SLC25A21: variants seen among roughly 807,000 people sequenced by gnomAD.
SLC25A21 encodes mitochondrial 2-oxodicarboxylate carrier.
SLC25A21 carries 47 observed loss-of-function variants against 43.8 expected under a neutral mutation model. The ratio of observed to expected loss-of-function variants is 1.07; its 90% CI spans 0.85 to 1.37. The LOEUF (loss-of-function observed/expected upper bound fraction) is 1.37, where lower values mean the gene tolerates loss of function less well. Among genes scored for constraint, SLC25A21 ranks in the 40% most tolerant of loss-of-function variants. The pLI, the probability that SLC25A21 is intolerant of heterozygous loss-of-function variation, is 0.00. For synonymous variants in SLC25A21, 131 were observed against 121.3 expected (o/e 1.08, Z -0.52); for missense variants, 352 against 350.2 (o/e 1.00, Z -0.04).
chr14:37,042,678 C>T (rs1160579608), intron 1 of SLC25A21, among the ~76,000 whole-genome samples: 1 of 152,174 alleles, frequency 6.6e-6, no homozygotes, highest in African/African-American at 2.4e-5. Flanking sequence ...CAGTGAACTT[C>T]TAAAAATCAA....
chr14:36,700,195 A>C (rs1000366851), intron 7 of SLC25A21, among the ~76,000 whole-genome samples: 10 of 152,172 alleles, frequency 6.6e-5, no homozygotes, highest in African/African-American at 2.4e-4. Flanking sequence ...AGACCATGCC[A>C]ACTTCTTGAT....
chr14:36,936,350 C>G (rs575816940), intron 1 of SLC25A21, among the ~76,000 whole-genome samples: 3 of 152,264 alleles, frequency 2.0e-5, no homozygotes, highest in African/African-American at 7.2e-5. Flanking sequence ...CCCACCACCC[C>G]TCTCCATCTC....
At chr14:36,912,551 G>T (rs1891717872) in intron 1 of SLC25A21, among the ~76,000 whole-genome samples, 1 of 152,182 alleles carries the variant, frequency 6.6e-6, no homozygotes. Flanking sequence ...TCATTGGAAA[G>T]GTATCCAAAA....
At chr14:37,169,305 G>A (rs1237683288) in intron 1 of SLC25A21, among the ~76,000 whole-genome samples, 5 of 151,990 alleles carry the variant, frequency 3.3e-5, no homozygotes, top group Admixed American at 2.0e-4. Flanking sequence ...AAGCCATCCC[G>A]AAAGGTGTAG....
rs1284590558 is a variant in SLC25A21, at chr14:37,172,581, G to A, written c.-231C>T. ...CAGCGCTCTCGCAGAGGCGCCCTCG[G>A]CTCCGAAAATGTCTCTGGAAAGAAG... On this transcript the variant is annotated 5_prime_UTR_variant, in exon 1 of 10. Coordinates refer to ENST00000331299, the MANE Select transcript of SLC25A21 (RefSeq NM_030631.4). 1.4e-6 allele frequency: 1 copy of A among 697,540 alleles called. No homozygotes were observed. The highest frequency in any genetic ancestry group is 1.5e-5 in the South Asian group (1 of 66,728). The allele number at this position is 697,540 out of a possible 1,614,324, so 43.2% of individuals were successfully genotyped here.
chr14:37,060,947 T>C (rs1961935535), intron 1 of SLC25A21, among the ~76,000 whole-genome samples: 1 of 152,172 alleles, frequency 6.6e-6, no homozygotes, highest in Non-Finnish European at 1.5e-5. Flanking sequence ...CCAATAGAGC[T>C]GCCCTTACTA....
chr14:36,723,932 A>G (rs1199315767), intron 6 of SLC25A21, among the ~76,000 whole-genome samples: 2 of 123,416 alleles, frequency 1.6e-5, no homozygotes, highest in Non-Finnish European at 3.3e-5. Flanking sequence ...CCAAGGGGTA[A>G]GATGGGAACA....
intron 1 of SLC25A21, among the ~76,000 whole-genome samples, chr14:37,071,971 C>T (rs1962181831): frequency 6.6e-6 from 1 of 151,754 alleles, no homozygotes; most frequent in Admixed American, 6.6e-5. Flanking sequence ...CACCTGAGGT[C>T]AGGAGTTCAA....
intron 1 of SLC25A21, among the ~76,000 whole-genome samples, chr14:36,961,197 C>T (rs939006045): frequency 6.6e-6 from 1 of 150,594 alleles, no homozygotes; most frequent in South Asian, 2.1e-4. Flanking sequence ...GCAAGCCTTC[C>T]GCACGTGTTT....
intron 1 of SLC25A21, among the ~76,000 whole-genome samples, chr14:37,142,324 C>T (rs1489628288): frequency 6.6e-6 from 1 of 152,176 alleles, no homozygotes; most frequent in African/African-American, 2.4e-5. Context: ...CTCTTCATCA[C>T]AGACTATCAT....
At chr14:36,989,902 GAGAAAGAGAGCA>G (rs1960227399) in intron 1 of SLC25A21, among the ~76,000 whole-genome samples, 1 of 152,038 alleles carries the variant, frequency 6.6e-6, no homozygotes, top group Admixed American at 6.6e-5. Context: ...AAAAGGGAGA[GAGAAAGAGAGCA>G]AGAAAGAGAG....
At chr14:37,015,828 C>CATAA (rs1960842020) in intron 1 of SLC25A21, among the ~76,000 whole-genome samples, 1 of 152,214 alleles carries the variant, frequency 6.6e-6, no homozygotes, top group South Asian at 2.1e-4. Flanking sequence ...TTTTTGGCTG[C>CATAA]ATAAATGTTT....
In SLC25A21 at chr14:36,797,082, T is replaced by C. The variant is rs376835693; in HGVS notation, c.203+16836A>G. On this transcript the variant is annotated intron_variant, in intron 3 of 9. Coordinates refer to ENST00000331299, the MANE Select transcript of SLC25A21 (RefSeq NM_030631.4). ...CTGAACCTTGCTAAGATGTGTTAGA[T>C]GAGTATAAAATTCTTTGTTTATTGG... Among the ~76,000 whole-genome samples, 23 of 152,296 alleles carry C rather than the reference T, an allele frequency of 1.5e-4. No individual in the cohort carries two copies. The East Asian group carries it at 2.9e-3, about 19-fold the overall frequency.
intron 1 of SLC25A21, chr14:37,172,034 A>G: frequency 1.8e-6 from 1 of 545,594 alleles, no homozygotes; most frequent in Non-Finnish European, 3.2e-6. Flanking sequence ...GGAACGGACA[A>G]TGCCGGGAAC....
At chr14:36,715,653 G>A (rs1012062252) in intron 6 of SLC25A21, among the ~76,000 whole-genome samples, 1 of 152,242 alleles carries the variant, frequency 6.6e-6, no homozygotes. Flanking sequence ...GGATTGGGAT[G>A]AGACTTAACA....
chr14:36,827,892 G>C (rs909261297), intron 2 of SLC25A21, among the ~76,000 whole-genome samples: 10 of 152,168 alleles, frequency 6.6e-5, no homozygotes, highest in Admixed American at 5.9e-4. Flanking sequence ...TTAGATTCTA[G>C]TGCAATACAG....
chr14:37,106,814 A>C (rs891208526), intron 1 of SLC25A21, among the ~76,000 whole-genome samples: 2 of 152,170 alleles, frequency 1.3e-5, no homozygotes, highest in South Asian at 2.1e-4. Context: ...CCGATATGTG[A>C]TATCACCCCC....
intron 1 of SLC25A21, among the ~76,000 whole-genome samples, chr14:36,947,013 C>T (rs1892694165): frequency 6.6e-6 from 1 of 152,182 alleles, no homozygotes. Context: ...TATCCTCCAG[C>T]TCTCCTAGAC....
At chr14:37,073,840 T>C (rs745410709) in intron 1 of SLC25A21, among the ~76,000 whole-genome samples, 2 of 152,166 alleles carry the variant, frequency 1.3e-5, no homozygotes, top group Non-Finnish European at 2.9e-5. Flanking sequence ...GCTCCTTGAT[T>C]GATCAAGGAA....
Sources: gnomAD v4.1 joint callset for allele counts (sites outside exome capture counted in the v4.1 genomes callset) on GRCh38, gnomAD v4.1.1 for gene constraint, MANE v1.5 for transcripts, NCBI Gene and HGNC (gene_info 2026-07-23, HGNC 2026-07-21) for gene names.